The following HNRNPR variants were observed in gnomAD, a reference collection of about 807,000 sequenced individuals.
The protein encoded by HNRNPR is heterogeneous nuclear ribonucleoprotein R.
HNRNPR carries 4 observed loss-of-function variants against 70.3 expected under a neutral mutation model. The observed-to-expected ratio is 0.06, with a 90% CI of 0.03 to 0.13. HNRNPR has a LOEUF of 0.13. Among genes scored for constraint, HNRNPR ranks in the 10% least tolerant of loss-of-function variants. The probability of loss-of-function intolerance (pLI) is 1.00; values close to 1 mark genes in which losing one functional copy is unlikely to be tolerated. For synonymous variants in HNRNPR, 241 were observed against 267.6 expected, an observed-to-expected ratio of 0.90 and a Z score of 0.97; for missense variants, 423 against 788.5, an observed-to-expected ratio of 0.54 and a Z score of 5.55.
At position 23,333,609 on chromosome 1, in the gene HNRNPR, T is replaced by A; in HGVS notation, c.407A>T (p.Tyr136Phe). The part of the protein sequence containing the change: ...KIKALLERTG[Y>F]TLDVTTGQRK... ...CTGTCCTGTGGTTACATCCAGAGTATAACCAGTTCTCTCAAGCAAGGCCTA... is the reference window on the plus strand; with the variant it reads ...CTGTCCTGTGGTTACATCCAGAGTAAAACCAGTTCTCTCAAGCAAGGCCTA... Residue 136 changes from tyrosine to phenylalanine, a missense_variant, in exon 5 of 11, where the codon TAT (tyrosine) becomes TTT (phenylalanine). Around this residue, in one of 7 missense-constraint regions of HNRNPR, gnomAD observed 118 missense variants for 239.3 expected, o/e 0.49. Transcript: ENST00000302271. 6.2e-7 allele frequency: 1 copy of A among 1,611,276 alleles called. No individual in the cohort carries two copies. The highest frequency in any genetic ancestry group is 8.5e-7 in the Non-Finnish European group (1 of 1,177,378).
intron 2 of HNRNPR, among the ~76,000 whole-genome samples, chr1:23,340,049 A>C (rs938975111): frequency 4.6e-5 from 7 of 150,712 alleles, no homozygotes; most frequent in African/African-American, 9.7e-5. Flanking sequence ...AAAAAAAAAA[A>C]CAGCTATTTG....
intron 9 of HNRNPR, chr1:23,311,561 ATAT>A (rs771216950): frequency 3.1e-6 from 1 of 324,346 alleles, no homozygotes; most frequent in Non-Finnish European, 5.6e-6. Flanking sequence ...CGACCACCTG[ATAT>A]TATATTTTAA....
At chr1:23,341,350 C>T (rs901784882) in intron 1 of HNRNPR, among the ~76,000 whole-genome samples, 1 of 152,134 alleles carries the variant, frequency 6.6e-6, no homozygotes, top group Non-Finnish European at 1.5e-5. Flanking sequence ...AAATCCTTTA[C>T]TAAAAAGCCC....
intron 5 of HNRNPR, among the ~76,000 whole-genome samples, chr1:23,332,038 A>C (rs564254389): frequency 4.3e-4 from 66 of 152,016 alleles, no homozygotes; most frequent in African/African-American, 1.5e-3. Context: ...AGGTTAAGGC[A>C]GGAGAATCGC....
In HNRNPR at chr1:23,310,714, C is replaced by A; in HGVS notation, c.1642G>T (p.Gly548Cys). Reference protein sequence around the residue: ...PPRGSRGGRGGPAQQQRGRGS... With the variant: ...PPRGSRGGRGCPAQQQRGRGS... Reference sequence around the variant, plus strand: ...CGGCCTCTCTGCTGTTGAGCAGGACCCCCTCTGCCACCCCTAGAGCCTCTT... The same window carrying A: ...CGGCCTCTCTGCTGTTGAGCAGGACACCCTCTGCCACCCCTAGAGCCTCTT... Residue 548 changes from glycine to cysteine, a missense_variant, in exon 11 of 11, where the codon GGT becomes TGT. Around this residue, in one of 7 missense-constraint regions of HNRNPR, gnomAD observed 169 missense variants for 195.6 expected, o/e 0.86. Transcript: ENST00000302271. This position sits in a 1 kb window ranked among gnomAD's most constrained non-coding sequence, Gnocchi z 6.0. 6.2e-7 allele frequency: 1 copy of A among 1,613,714 alleles called. No individual in the cohort carries two copies. Among genetic ancestry groups the A allele is most frequent in the South Asian group, 1.1e-5 (1 of 91,042 alleles).
intron 1 of HNRNPR, among the ~76,000 whole-genome samples, chr1:23,343,792 G>A (rs963596971): frequency 6.6e-6 from 1 of 151,318 alleles, no homozygotes; most frequent in Admixed American, 6.6e-5. Context: ...AGGCCCGTCC[G>A]GATCATCAGC....
chr1:23,317,173 C>A (rs1228224692), intron 8 of HNRNPR, among the ~76,000 whole-genome samples: 1 of 152,052 alleles, frequency 6.6e-6, no homozygotes, highest in Non-Finnish European at 1.5e-5. Flanking sequence ...AAATGCAACT[C>A]TGAGGCCGGG....
chr1:23,315,327 G>A (rs1175151652), intron 8 of HNRNPR, among the ~76,000 whole-genome samples: 1 of 150,206 alleles, frequency 6.7e-6, no homozygotes, highest in South Asian at 2.1e-4. Context: ...AAAATGAAGA[G>A]GAGCTCTATG....
rs763047230 is a variant in HNRNPR, at chr1:23,311,040, G to A, written c.1316C>T (p.Pro439Leu). Residue 439 changes from proline (P) to leucine (L), a missense_variant, in exon 11 of 11, where the codon CCT becomes CTT. By Grantham distance (98) the Pro-to-Leu change is moderately conservative. Coordinates refer to ENST00000302271, the MANE Select transcript of HNRNPR (RefSeq NM_005826.5). ...TAYEDYYYHP[P>L]PRMPPPIRGR... ...TCTAATTGGAGGTGGCATGCGAGGA[G>A]GAGGGTGGTAGTAATAATCTTCATA... 49 of 1,614,152 alleles carry A rather than the reference G, an allele frequency of 3.0e-5. No individual in the cohort carries two copies. Among genetic ancestry groups the A allele is most frequent in the Non-Finnish European group, 4.1e-5 (48 of 1,180,026 alleles).
chr1:23,311,099 C>G, intron 10 of HNRNPR, 33 bp from the exon 11 acceptor site: 1 of 1,608,750 alleles, frequency 6.2e-7, no homozygotes, highest in Non-Finnish European at 8.5e-7. Context: ...AAAGAAAAAA[C>G]AAATCAGTTT....
intron 5 of HNRNPR, among the ~76,000 whole-genome samples, chr1:23,331,012 C>T (rs143326632): frequency 4.1e-4 from 63 of 152,278 alleles, no homozygotes; most frequent in African/African-American, 1.5e-3. Flanking sequence ...AGTACTTGCA[C>T]AATCTCATGA....
At chr1:23,323,425 A>T in intron 6 of HNRNPR, 131 bp downstream of exon 6, 1 of 758,860 alleles carries the variant, frequency 1.3e-6, no homozygotes, top group Non-Finnish European at 2.1e-6. Context: ...TCACATACCA[A>T]CTTGGTCAGT....
intron 7 of HNRNPR, among the ~76,000 whole-genome samples, chr1:23,319,800 G>A (rs1315617292): frequency 1.3e-5 from 2 of 152,130 alleles, no homozygotes; most frequent in Non-Finnish European, 2.9e-5. Flanking sequence ...CTCAGTTACT[G>A]TAATATACTG....
chr1:23,325,322 T>A (rs1171462331), intron 5 of HNRNPR, among the ~76,000 whole-genome samples: 1 of 152,162 alleles, frequency 6.6e-6, no homozygotes, highest in Non-Finnish European at 1.5e-5. Flanking sequence ...ATCCAAAATA[T>A]GCCGACATTA....
At chr1:23,312,155 G>A (rs557684606) in intron 9 of HNRNPR, among the ~76,000 whole-genome samples, 8 of 152,258 alleles carry the variant, frequency 5.3e-5, no homozygotes, top group African/African-American at 1.9e-4. Flanking sequence ...GGAGCTATCA[G>A]TGATTTATAA....
chr1:23,327,829 A>C (rs991680884), intron 5 of HNRNPR, among the ~76,000 whole-genome samples: 1 of 151,912 alleles, frequency 6.6e-6, no homozygotes. Flanking sequence ...TACAGGGGTA[A>C]ATTTGAGCTG....
At chr1:23,324,086 G>C (rs997437214) in intron 5 of HNRNPR, among the ~76,000 whole-genome samples, 4 of 151,766 alleles carry the variant, frequency 2.6e-5, no homozygotes, top group African/African-American at 7.3e-5. Context: ...GCCAAGGAAG[G>C]CGGATCACTT....
intron 4 of HNRNPR, among the ~76,000 whole-genome samples, chr1:23,333,966 T>G (rs1646351916): frequency 6.6e-6 from 1 of 152,152 alleles, no homozygotes; most frequent in South Asian, 2.1e-4. Flanking sequence ...CAGGCTGGAG[T>G]GCAGTGGCAT....
chr1:23,339,084 A>T (rs1646614751), intron 2 of HNRNPR, among the ~76,000 whole-genome samples: 1 of 152,252 alleles, frequency 6.6e-6, no homozygotes, highest in South Asian at 2.1e-4. Flanking sequence ...AATTTTACTA[A>T]GTAATTCTTT....
Sources: gnomAD v4.1 joint callset for allele counts (sites outside exome capture counted in the v4.1 genomes callset) on GRCh38, gnomAD v4.1.1 for gene constraint, gnomAD v4.1.1 regional missense constraint, Gnocchi (gnomAD v3.1) non-coding constraint, MANE v1.5 for transcripts, NCBI Gene and HGNC (gene_info 2026-07-23, HGNC 2026-07-21) for gene names.